The following LRP1B variants were observed in gnomAD, a reference collection of about 807,000 sequenced individuals.
LRP1B encodes the protein LDL receptor related protein 1B, also known as low-density lipoprotein receptor-related protein 1B.
In LRP1B, 217 loss-of-function variants were observed where a neutral mutation model predicts 556.6. The observed-to-expected ratio is 0.39, with a 90% CI of 0.35 to 0.44. The LOEUF is 0.44. Among genes scored for constraint, LRP1B ranks in the 20% least tolerant of loss-of-function variants. The probability of loss-of-function intolerance (pLI) is 1.00; values close to 1 mark genes in which losing one functional copy is unlikely to be tolerated. For missense variants in LRP1B, 5,053 were observed against 5,620.8 expected (o/e 0.90, Z 3.23); for synonymous variants, 2,047 against 1,865.8 (o/e 1.10, Z -2.50).
chr2:141,822,130 C>CAGAGAGAGAG (rs1553469382), intron 1 of LRP1B, among the ~76,000 whole-genome samples: 30 of 95,894 alleles, frequency 3.1e-4, no homozygotes, highest in African/African-American at 1.3e-3. Context: ...CACACACACA[C>CAGAGAGAGAG]AGAGAGAGAG....
At position 140,978,033 on chromosome 2, in the gene LRP1B, C is replaced by G. The variant is rs2105338115; in HGVS notation, c.2887+4127G>C. ...AGGCTTCACAATTTGAATATGTCTTCTCTTGTCTGCATCACCAATTTACAA... is the reference window on the plus strand; with the variant it reads ...AGGCTTCACAATTTGAATATGTCTTGTCTTGTCTGCATCACCAATTTACAA... On this transcript the variant is annotated intron_variant, in intron 18 of 90. Coordinates refer to ENST00000389484, the MANE Select transcript of LRP1B (RefSeq NM_018557.3). 2.6e-5 allele frequency among the ~76,000 whole-genome samples: 4 copies of G among 152,282 alleles called. 1 individual carries two copies. The highest frequency in any genetic ancestry group is 6.8e-3 in the Middle Eastern group (2 of 294).
rs1268730534 is a variant in LRP1B at position 141,294,571 on chromosome 2, T to A, written c.344-39930A>T. Among the ~76,000 whole-genome samples the A allele has an allele frequency of 7.4e-5, 11 of 148,734 alleles. No individual in the cohort carries two copies. The Admixed American group carries it at 7.4e-4, about 10-fold the overall frequency. ...GACCCTGACTCTACAAAAAAAAAAA[T>A]AAAGTAAAATAAAATAAAATTAGCT... is the stretch of plus-strand genomic sequence containing the variant. On this transcript the variant is annotated intron_variant, in intron 3 of 90. Coordinates refer to ENST00000389484, the MANE Select transcript of LRP1B (RefSeq NM_018557.3).
intron 6 of LRP1B, among the ~76,000 whole-genome samples, chr2:141,210,117 G>A (rs190492990): frequency 1.3e-4 from 19 of 151,294 alleles, no homozygotes; most frequent in Middle Eastern, 3.5e-3. Context: ...GAAATGCGGC[G>A]TGCATTTTAT....
chr2:141,574,816 C>T (rs1198800172), intron 2 of LRP1B, among the ~76,000 whole-genome samples: 1 of 151,946 alleles, frequency 6.6e-6, no homozygotes, highest in African/African-American at 2.4e-5. Flanking sequence ...TAACAATAGG[C>T]AAGCAGAGGG....
chr2:141,532,847 A>G (rs1229921695), intron 2 of LRP1B, among the ~76,000 whole-genome samples: 2 of 152,016 alleles, frequency 1.3e-5, no homozygotes, highest in East Asian at 3.9e-4. Flanking sequence ...TTAGCCGGGT[A>G]TGGTGGTGCA....
At chr2:141,424,735 C>T (rs1456264771) in intron 3 of LRP1B, among the ~76,000 whole-genome samples, 1 of 151,988 alleles carries the variant, frequency 6.6e-6, no homozygotes, top group East Asian at 1.9e-4. Context: ...TTCTACAGAC[C>T]TGGGTTCAGT....
chr2:142,053,098 T>TC (rs1300605269), intron 1 of LRP1B, among the ~76,000 whole-genome samples: 1 of 152,134 alleles, frequency 6.6e-6, no homozygotes, highest in African/African-American at 2.4e-5. Flanking sequence ...CCTTTGTTTT[T>TC]CTCAATGAGA....
intron 2 of LRP1B, among the ~76,000 whole-genome samples, chr2:141,537,279 A>G (rs997403182): frequency 2.0e-5 from 3 of 152,110 alleles, no homozygotes; most frequent in Non-Finnish European, 2.9e-5. Flanking sequence ...AAAATTCTGG[A>G]TAAATCTCAA....
chr2:141,996,723 T>A, intron 1 of LRP1B, among the ~76,000 whole-genome samples: 1 of 121,554 alleles, frequency 8.2e-6, no homozygotes, highest in East Asian at 2.6e-4. Flanking sequence ...TCCCCCCCCC[T>A]ACAAACTAGT....
At chr2:140,358,726 C>A (rs2105137183) in intron 73 of LRP1B, 95 bp downstream of exon 73, 1 of 1,310,188 alleles carries the variant, frequency 7.6e-7, no homozygotes, top group South Asian at 1.3e-5. Context: ...CCTCAGATGT[C>A]CACATAAGAA....
intron 17 of LRP1B, among the ~76,000 whole-genome samples, chr2:140,985,479 C>T (rs1023353306): frequency 6.6e-6 from 1 of 151,304 alleles, no homozygotes; most frequent in Admixed American, 6.6e-5. Context: ...ACTGTCTAGG[C>T]TTGAATATAA....
At chr2:140,886,091 AC>A in intron 24 of LRP1B, 46 bp downstream of exon 24, 1 of 1,215,676 alleles carries the variant, frequency 8.2e-7, no homozygotes, top group Non-Finnish European at 1.1e-6. Context: ...TTGAATTTTC[AC>A]TTAAAAAAGT....
intron 1 of LRP1B, among the ~76,000 whole-genome samples, chr2:142,106,347 G>A (rs1248669292): frequency 6.6e-6 from 1 of 152,128 alleles, no homozygotes; most frequent in Non-Finnish European, 1.5e-5. Context: ...GTAAAGTGCT[G>A]CAAAATTTGT....
At chr2:142,111,653 GCAAA>G (rs1240476395) in intron 1 of LRP1B, among the ~76,000 whole-genome samples, 4 of 152,038 alleles carry the variant, frequency 2.6e-5, no homozygotes, top group South Asian at 2.1e-4. Flanking sequence ...AACCAAACAA[GCAAA>G]CAAACAGGTA....
chr2:141,466,811 CT>C (rs981705152), intron 3 of LRP1B, among the ~76,000 whole-genome samples: 21 of 151,798 alleles, frequency 1.4e-4, no homozygotes, highest in Admixed American at 1.1e-3. Context: ...TATCTATAAC[CT>C]TTTTTTAATA....
chr2:140,527,971 C>G (rs950150595), intron 47 of LRP1B, among the ~76,000 whole-genome samples: 4 of 151,856 alleles, frequency 2.6e-5, no homozygotes, highest in Admixed American at 2.0e-4. Context: ...AATTGTTCAT[C>G]TCATAATGCA....
chr2:140,304,469 G>T (rs1683977380), intron 83 of LRP1B, among the ~76,000 whole-genome samples: 1 of 152,140 alleles, frequency 6.6e-6, no homozygotes, highest in Admixed American at 6.5e-5. Context: ...TTTGAGAAGT[G>T]TCTGTTCATA....
chr2:140,969,316 T>G (rs564694026), intron 18 of LRP1B, among the ~76,000 whole-genome samples: 6 of 152,344 alleles, frequency 3.9e-5, no homozygotes, highest in African/African-American at 1.4e-4. Context: ...TTTGTTGGTT[T>G]AAAGTCTGTT....
intron 1 of LRP1B, among the ~76,000 whole-genome samples, chr2:142,076,236 T>C (rs886495014): frequency 7.2e-5 from 11 of 152,112 alleles, no homozygotes; most frequent in African/African-American, 2.2e-4. Flanking sequence ...TGGACCACAA[T>C]ATGTTCCAAA....
Sources: allele counts gnomAD v4.1 joint callset (sites outside exome capture counted in the v4.1 genomes callset), GRCh38; gene constraint gnomAD v4.1.1; transcripts MANE v1.5; gene names NCBI Gene and HGNC (gene_info 2026-07-23, HGNC 2026-07-21).